The following SORCS3 variants were observed in gnomAD, a reference collection of about 807,000 sequenced individuals.
SORCS3 encodes VPS10 domain-containing receptor SorCS3.
SORCS3 carries 57 observed loss-of-function variants against 146.3 expected under a neutral mutation model. The observed-to-expected ratio is 0.39, with a 90% CI of 0.31 to 0.49. The LOEUF (loss-of-function observed/expected upper bound fraction) is 0.49. Among genes scored for constraint, SORCS3 ranks in the 20% least tolerant of loss-of-function variants. SORCS3 has a pLI of 0.92. For missense variants in SORCS3, 1,341 were observed against 1,575.5 expected, an observed-to-expected ratio of 0.85 and a Z score of 2.52; for synonymous variants, 653 against 618.5, an observed-to-expected ratio of 1.06 and a Z score of -0.83.
chr10:104,859,529 C>T, intron 2 of SORCS3, among the ~76,000 whole-genome samples: 1 of 152,182 alleles, frequency 6.6e-6, no homozygotes, highest in East Asian at 1.9e-4. Flanking sequence ...ATGTCTAAAA[C>T]ACCAAAAGCA....
chr10:104,783,062 C>T (rs757366975), intron 1 of SORCS3, among the ~76,000 whole-genome samples: 7 of 152,208 alleles, frequency 4.6e-5, no homozygotes, highest in Non-Finnish European at 7.3e-5. Context: ...TTACAACAAT[C>T]TACTTAGTAT....
At chr10:104,713,570 A>G (rs1305234013) in intron 1 of SORCS3, among the ~76,000 whole-genome samples, 1 of 152,082 alleles carries the variant, frequency 6.6e-6, no homozygotes, top group African/African-American at 2.4e-5. Context: ...TTTTTCTTCT[A>G]TAGTCTGTTG....
At chr10:105,204,080 G>A (rs1433906339) in intron 16 of SORCS3, among the ~76,000 whole-genome samples, 1 of 152,062 alleles carries the variant, frequency 6.6e-6, no homozygotes, top group East Asian at 1.9e-4. Flanking sequence ...CGGTGGGAGA[G>A]GCGAGGGGGA....
At chr10:105,164,839 C>T (rs1270961717) in intron 12 of SORCS3, among the ~76,000 whole-genome samples, 1 of 152,238 alleles carries the variant, frequency 6.6e-6, no homozygotes, top group African/African-American at 2.4e-5. Flanking sequence ...TATAGACTGT[C>T]TTGAGTAAGT....
intron 1 of SORCS3, among the ~76,000 whole-genome samples, chr10:104,838,918 A>G (rs376399450): frequency 1.3e-5 from 2 of 152,092 alleles, no homozygotes; most frequent in East Asian, 3.9e-4. Flanking sequence ...TATTCATGGA[A>G]TGGGAGGAGC....
At chr10:104,947,970 T>A (rs1049366090) in intron 3 of SORCS3, among the ~76,000 whole-genome samples, 9 of 152,216 alleles carry the variant, frequency 5.9e-5, no homozygotes, top group Non-Finnish European at 1.5e-5. Flanking sequence ...ACAAAACTCC[T>A]TTTGTCTGGA....
intron 2 of SORCS3, among the ~76,000 whole-genome samples, chr10:104,857,322 G>A (rs539645609): frequency 4.1e-4 from 63 of 152,152 alleles, no homozygotes; most frequent in African/African-American, 1.5e-3. Flanking sequence ...AGAGGAAGGA[G>A]TAAAGGTTGT....
chr10:104,971,506 T>C (rs2054860355), intron 3 of SORCS3, among the ~76,000 whole-genome samples: 1 of 152,128 alleles, frequency 6.6e-6, no homozygotes, highest in South Asian at 2.1e-4. Context: ...GGAGCTAGGG[T>C]ATACCAGAGA....
chr10:104,791,497 A>G (rs2017495196), intron 1 of SORCS3, among the ~76,000 whole-genome samples: 1 of 152,198 alleles, frequency 6.6e-6, no homozygotes, highest in South Asian at 2.1e-4. Flanking sequence ...TCAAGGATCT[A>G]AGACCACTCA....
chr10:104,703,887 G>A (rs1372463440), intron 1 of SORCS3, among the ~76,000 whole-genome samples: 1 of 152,064 alleles, frequency 6.6e-6, no homozygotes, highest in Non-Finnish European at 1.5e-5. Context: ...TTAGAGTGTA[G>A]GAGGATTCAT....
At chr10:105,207,373 G>T (rs557124140) in intron 16 of SORCS3, among the ~76,000 whole-genome samples, 1 of 151,852 alleles carries the variant, frequency 6.6e-6, no homozygotes, top group African/African-American at 2.4e-5. Context: ...TGGAAAACAT[G>T]CAGGTTCCCG....
At chr10:104,710,547 G>T (rs993511648) in intron 1 of SORCS3, among the ~76,000 whole-genome samples, 1 of 152,192 alleles carries the variant, frequency 6.6e-6, no homozygotes, top group South Asian at 2.1e-4. Context: ...TGGGGTTGCT[G>T]TTTGAGAGGG....
intron 7 of SORCS3, among the ~76,000 whole-genome samples, chr10:105,132,471 C>T (rs1235272813): frequency 1.3e-5 from 2 of 152,156 alleles, no homozygotes; most frequent in Admixed American, 6.6e-5. Flanking sequence ...TCTCCTGTGA[C>T]AGAAATAGGC....
At chr10:104,768,448 C>G (rs955215482) in intron 1 of SORCS3, among the ~76,000 whole-genome samples, 2 of 152,066 alleles carry the variant, frequency 1.3e-5, no homozygotes, top group Non-Finnish European at 2.9e-5. Flanking sequence ...TATTTTATAA[C>G]ACAAAGTATA....
chr10:104,977,369 G>C lies in SORCS3; in HGVS notation c.830G>C (p.Ser277Thr). The change falls in exon 4 of 27, where the codon AGC becomes ACC. Residue 277 changes from serine (S) to threonine (T), a missense_variant. Coordinates refer to ENST00000369701, the MANE Select transcript of SORCS3 (RefSeq NM_014978.3). Reference sequence around the variant, plus strand: ...CTCAGTGATCCTGAGATGGAGAGCAGCATATTGATCAGCTCAGACGAAGGG... The same window carrying C: ...CTCAGTGATCCTGAGATGGAGAGCACCATATTGATCAGCTCAGACGAAGGG... ...MLLSDPEMES[S>T]ILISSDEGAT... The C allele has an allele frequency of 1.2e-6, 2 of 1,613,540 alleles. No homozygotes were observed. The highest frequency in any genetic ancestry group is 1.7e-6 in the Non-Finnish European group (2 of 1,179,704).
chr10:104,803,087 A>G (rs996161249), intron 1 of SORCS3, among the ~76,000 whole-genome samples: 1 of 152,240 alleles, frequency 6.6e-6, no homozygotes, highest in African/African-American at 2.4e-5. Flanking sequence ...TGTCACATGC[A>G]TGCTGATAGG....
At chr10:104,642,103 C>A in intron 1 of SORCS3, 149 bp downstream of exon 1, 1 of 959,908 alleles carries the variant, frequency 1.0e-6, no homozygotes, top group Non-Finnish European at 1.5e-6. Context: ...CCGATTCCCC[C>A]CACGCCCCCA....
At chr10:105,075,832 A>G (rs536282838) in intron 5 of SORCS3, among the ~76,000 whole-genome samples, 2 of 152,268 alleles carry the variant, frequency 1.3e-5, no homozygotes, top group South Asian at 4.2e-4. Flanking sequence ...AACCTCTTCA[A>G]TTTGCAGAGG....
chr10:104,740,806 G>T (rs1360851178), intron 1 of SORCS3, among the ~76,000 whole-genome samples: 1 of 152,146 alleles, frequency 6.6e-6, no homozygotes, highest in Non-Finnish European at 1.5e-5. Flanking sequence ...AGATTCTGGG[G>T]ATTTGAGGGC....
Sources: gnomAD v4.1 joint callset for allele counts (sites outside exome capture counted in the v4.1 genomes callset) on GRCh38, gnomAD v4.1.1 for gene constraint, MANE v1.5 for transcripts, NCBI Gene and HGNC (gene_info 2026-07-23, HGNC 2026-07-21) for gene names.